The following RXRG variants were observed in gnomAD, a reference collection of about 807,000 sequenced individuals.
RXRG encodes the protein retinoid X receptor gamma, also known as retinoic acid receptor RXR-gamma.
In RXRG, 19 loss-of-function variants were observed where a neutral mutation model predicts 49.2. The observed-to-expected ratio is 0.39, with a 90% confidence interval of 0.27 to 0.57. The LOEUF (loss-of-function observed/expected upper bound fraction) is 0.57. Ranked by LOEUF, RXRG falls within the 20% of genes least tolerant of loss-of-function variation. The pLI is 0.64. For synonymous variants in RXRG, 224 were observed against 216.6 expected, an observed-to-expected ratio of 1.03 and a Z score of -0.30; for missense variants, 452 against 592.5, an observed-to-expected ratio of 0.76 and a Z score of 2.46.
In RXRG at chr1:165,408,229, G is replaced by A; in HGVS notation, c.1136C>T (p.Pro379Leu). ...GCLRAIVLFN[P>L]DAKGLSNPSE... is the part of the protein sequence containing the mutation. Reference sequence around the variant, plus strand: ...CCCTGGGGTTGAAGGGCGGTTACCTGGGTTAAAGAGTACAATGGCTCGCAG... The same window carrying A: ...CCCTGGGGTTGAAGGGCGGTTACCTAGGTTAAAGAGTACAATGGCTCGCAG... The change falls in exon 8 of 10, where the codon CCA (proline) becomes CTA (leucine). Residue 379 changes from proline to leucine, a missense_variant and splice_region_variant. By Grantham distance (98) the Pro-to-Leu change is moderately conservative (BLOSUM62 -3). Around this residue, in one of 2 missense-constraint regions of RXRG, gnomAD observed 286 missense variants for 440.9 expected, o/e 0.65. Transcript: ENST00000359842. 3.7e-6 allele frequency: 6 copies of A among 1,612,930 alleles called. No individual in the cohort carries two copies. The highest frequency in any genetic ancestry group is 5.1e-6 in the Non-Finnish European group (6 of 1,178,948).
In RXRG at chr1:165,406,974, C is replaced by T. The variant is rs2101705430; in HGVS notation, c.1139-57G>A. 1.1e-5 allele frequency: 14 copies of T among 1,279,712 alleles called. No individual in the cohort carries two copies. In the South Asian group the frequency reaches 1.7e-4, roughly 15 times the overall value. The allele number at this position is 1,279,712 out of a possible 1,614,324, so 79.3% of individuals were successfully genotyped here. A position where few individuals can be genotyped will look rare whatever the true frequency, so the allele number is the denominator to read the frequency against. On this transcript the variant is annotated intron_variant, in intron 8 of 9. Transcript: ENST00000359842. ...ACACACCCTCCAGCAGAGGCTGTCC[C>T]CATTCTCTCTGGCCACTCTCTGTAG... is the stretch of plus-strand genomic sequence containing the variant.
chr1:165,408,049 C>T (rs1657814282), intron 8 of RXRG, among the ~76,000 whole-genome samples, 178 bp downstream of exon 8: 1 of 152,154 alleles, frequency 6.6e-6, no homozygotes, highest in Non-Finnish European at 1.5e-5. Context: ...ACGCGCCTGC[C>T]ACACTCATTC....
intron 1 of RXRG, chr1:165,437,064 C>A: frequency 7.6e-7 from 1 of 1,321,252 alleles, no homozygotes; most frequent in Non-Finnish European, 1.0e-6. Flanking sequence ...TCAAAATCTC[C>A]TTTGCTCCTC....
At chr1:165,423,092 G>A (rs905533982) in intron 2 of RXRG, among the ~76,000 whole-genome samples, 14 of 152,206 alleles carry the variant, frequency 9.2e-5, no homozygotes, top group African/African-American at 3.4e-4. Context: ...TGGCAGGAGG[G>A]GCAGTGAGAC....
Position 165,417,236 on chromosome 1 carries a change from G to T in RXRG, c.443-16C>A. 6.3e-7 allele frequency: 1 copy of T among 1,589,730 alleles called. No homozygotes were observed. Among genetic ancestry groups the T allele is most frequent in the Non-Finnish European group, 8.6e-7 (1 of 1,165,540 alleles). The stretch of plus-strand genomic sequence containing the variant: ...TAGTGCTTTCCTGGTTAGAAGAAAA[G>T]AACATTCCATAGATTGTTCTTGTGT... On this transcript the variant is annotated splice_polypyrimidine_tract_variant and intron_variant, in intron 3 of 9. Coordinates refer to ENST00000359842, the MANE Select transcript of RXRG (RefSeq NM_006917.5).
At chr1:165,437,151 A>G in intron 1 of RXRG, 2 of 1,367,754 alleles carry the variant, frequency 1.5e-6, no homozygotes, top group Non-Finnish European at 2.0e-6. Flanking sequence ...ATCTGTTTTC[A>G]CAGCCCTAGC....
intron 1 of RXRG, among the ~76,000 whole-genome samples, chr1:165,439,417 C>T (rs1658914277): frequency 6.6e-6 from 1 of 151,776 alleles, no homozygotes; most frequent in Non-Finnish European, 1.5e-5. Flanking sequence ...ATCAGCCCTT[C>T]TCTGGGGGCT....
chr1:165,427,181 T>A (rs1039681935), intron 2 of RXRG, among the ~76,000 whole-genome samples: 1 of 152,154 alleles, frequency 6.6e-6, no homozygotes, highest in Non-Finnish European at 1.5e-5. Flanking sequence ...AGTTGACACA[T>A]AAAGGCCCTG....
intron 1 of RXRG, chr1:165,436,931 G>A (rs1658833188): frequency 1.8e-6 from 2 of 1,124,944 alleles, no homozygotes; most frequent in Non-Finnish European, 2.2e-6. Flanking sequence ...AAGTGGAAAA[G>A]CCTGTTATCA....
chr1:165,417,267 T>C, intron 3 of RXRG, 47 bp from the exon 4 acceptor site: 6 of 1,529,204 alleles, frequency 3.9e-6, no homozygotes, highest in Non-Finnish European at 5.3e-6. Context: ...TGTGTTTATT[T>C]GGATCTTTCA....
chr1:165,409,234 A>C (rs1334131872), intron 7 of RXRG, among the ~76,000 whole-genome samples: 1 of 152,104 alleles, frequency 6.6e-6, no homozygotes, highest in East Asian at 1.9e-4. Context: ...TCAAGATCTA[A>C]TCTCTCCTTA....
chr1:165,403,681 C>T (rs1657655926), intron 9 of RXRG, among the ~76,000 whole-genome samples: 1 of 152,164 alleles, frequency 6.6e-6, no homozygotes, highest in East Asian at 1.9e-4. Flanking sequence ...GTGCCTCTGC[C>T]GTTAAGCTTT....
intron 9 of RXRG, among the ~76,000 whole-genome samples, chr1:165,404,248 A>T (rs913190300): frequency 6.6e-6 from 1 of 152,224 alleles, no homozygotes; most frequent in South Asian, 2.1e-4. Context: ...CAGGGCAGTC[A>T]GCCTCAGTCC....
intron 9 of RXRG, among the ~76,000 whole-genome samples, chr1:165,406,178 C>T (rs968296628): frequency 3.7e-5 from 3 of 80,152 alleles, no homozygotes; most frequent in Admixed American, 3.4e-4. Context: ...ACCTATACTG[C>T]TAGATGGCCT....
At chr1:165,413,707 A>T (rs928938485) in intron 4 of RXRG, among the ~76,000 whole-genome samples, 1 of 152,204 alleles carries the variant, frequency 6.6e-6, no homozygotes, top group Non-Finnish European at 1.5e-5. Context: ...ACATTCCAGA[A>T]TTCCTGAGGT....
At position 165,406,747 on chromosome 1, in the gene RXRG, G is replaced by A. The variant is rs955221221; in HGVS notation, c.1244+65C>T. The A allele has an allele frequency of 3.5e-6, 4 of 1,136,316 alleles. No homozygotes were observed. The African/African-American group carries it at 4.6e-5, about 13-fold the overall frequency. 70.4% of individuals were successfully genotyped at this position (1,136,316 alleles called of 1,614,324 possible). On this transcript the variant is annotated intron_variant, in intron 9 of 9. Coordinates refer to ENST00000359842, the MANE Select transcript of RXRG (RefSeq NM_006917.5). ...TAAACAGTGCCTGCTGCACTTTAGG[G>A]GCTCAGTAGATGAAGAGTGGGAGTA...
intron 4 of RXRG, among the ~76,000 whole-genome samples, chr1:165,413,220 C>T (rs182657762): frequency 1.0e-3 from 152 of 152,136 alleles, no homozygotes; most frequent in African/African-American, 2.7e-3. Flanking sequence ...GCTACTGTTA[C>T]GACACACATC....
At chr1:165,429,873 T>A (rs1658617687) in intron 1 of RXRG, among the ~76,000 whole-genome samples, 1 of 152,242 alleles carries the variant, frequency 6.6e-6, no homozygotes, top group Middle Eastern at 3.4e-3. Flanking sequence ...AAACTCGAGA[T>A]GAAACAGGAG....
rs1479108991 is a variant in RXRG, at chr1:165,417,233, A to C, written c.443-13T>G. The C allele has an allele frequency of 1.3e-6, 2 of 1,592,874 alleles. No individual in the cohort carries two copies. Among genetic ancestry groups the C allele is most frequent in the African/African-American group, 2.7e-5 (2 of 74,150 alleles). On this transcript the variant is annotated splice_polypyrimidine_tract_variant and intron_variant, in intron 3 of 9. Coordinates refer to ENST00000359842, the MANE Select transcript of RXRG (RefSeq NM_006917.5). ...CCGTAGTGCTTTCCTGGTTAGAAGA[A>C]AAGAACATTCCATAGATTGTTCTTG...
Sources: allele counts gnomAD v4.1 joint callset (sites outside exome capture counted in the v4.1 genomes callset), GRCh38; gene constraint gnomAD v4.1.1; regional missense constraint gnomAD v4.1.1; transcripts MANE v1.5; gene names NCBI Gene and HGNC (gene_info 2026-07-23, HGNC 2026-07-21).